Variants in GOT1 observed in about 807,000 individuals in gnomAD.
GOT1 encodes the protein aspartate aminotransferase, cytoplasmic.
Under a neutral mutation model 48.2 loss-of-function variants are expected in GOT1, and 25 were observed. That is an observed-to-expected ratio of 0.52 (90% CI 0.38 to 0.72). GOT1 has a LOEUF of 0.72. GOT1 is among the 30% of genes least tolerant of loss of function. The pLI, the probability that GOT1 is intolerant of heterozygous loss-of-function variation, is 0.00. For synonymous variants in GOT1, 188 were observed against 193.8 expected (o/e 0.97, Z 0.25); for missense variants, 380 against 520.1 (o/e 0.73, Z 2.62).
At chr10:99,402,054 C>A (rs1041316305) in intron 8 of GOT1, among the ~76,000 whole-genome samples, 1 of 152,076 alleles carries the variant, frequency 6.6e-6, no homozygotes, top group African/African-American at 2.4e-5. Flanking sequence ...GTGATCTGCC[C>A]ACCTCAGCCT....
Position 99,406,750 on chromosome 10 carries a change from C to G in GOT1, c.400G>C (p.Val134Leu). 1.2e-6 allele frequency: 2 copies of G among 1,613,830 alleles called. No individual in the cohort carries two copies. Among genetic ancestry groups the G allele is most frequent in the Non-Finnish European group, 1.7e-6 (2 of 1,179,768 alleles). Residue 134 changes from valine to leucine, a missense_variant, in exon 3 of 9, where the codon GTC (valine) becomes CTC (leucine). By Grantham distance (32) the Val-to-Leu change is conservative (BLOSUM62 1). Coordinates refer to ENST00000370508, the MANE Select transcript of GOT1 (RefSeq NM_002079.3). ...YNGTNNKNTPVYVSSPTWENH... is the reference protein window; with the variant it reads ...YNGTNNKNTPLYVSSPTWENH... The stretch of plus-strand genomic sequence containing the variant: ...CCCCAGGTTGGTGAGGACACATAGA[C>G]AGGTGTGTTCTTGTTGTTTGTTCCA...
chr10:99,405,711 A>G (rs769302888), intron 5 of GOT1, 45 bp downstream of exon 5: 3 of 916,212 alleles, frequency 3.3e-6, no homozygotes, highest in Non-Finnish European at 5.5e-6. Context: ...ACATTAAATA[A>G]GAATATATAC....
rs964915453 is a variant in GOT1 at position 99,424,174 on chromosome 10, G to T, written c.119-3369C>A. ...CAAAATATTCTTGAAACTTCTTTTGGAATTGTTTCTAGAGGCAACATCTCA... is the reference window on the plus strand; with the variant it reads ...CAAAATATTCTTGAAACTTCTTTTGTAATTGTTTCTAGAGGCAACATCTCA... On this transcript the variant is annotated intron_variant, in intron 1 of 8. Transcript: ENST00000370508. Among the ~76,000 whole-genome samples, 8 of 152,086 alleles carry T rather than the reference G, an allele frequency of 5.3e-5. No individual in the cohort carries two copies. The South Asian group carries it at 6.2e-4, about 12-fold the overall frequency.
intron 1 of GOT1, among the ~76,000 whole-genome samples, chr10:99,423,515 A>T (rs2032997845): frequency 6.6e-6 from 1 of 152,238 alleles, no homozygotes; most frequent in South Asian, 2.1e-4. Flanking sequence ...GAAACATTTC[A>T]AGTTAGTAAT....
chr10:99,422,675 A>C (rs533021719), intron 1 of GOT1, among the ~76,000 whole-genome samples: 9 of 152,216 alleles, frequency 5.9e-5, no homozygotes, highest in African/African-American at 2.2e-4. Context: ...AGTTTCTTAC[A>C]TATCCTTCCT....
intron 8 of GOT1, among the ~76,000 whole-genome samples, chr10:99,401,469 C>T (rs938869034): frequency 1.3e-5 from 2 of 152,158 alleles, no homozygotes; most frequent in Admixed American, 6.5e-5. Flanking sequence ...GCCACACATC[C>T]CTCCCTAGAG....
At chr10:99,407,723 C>T (rs976162981) in intron 2 of GOT1, among the ~76,000 whole-genome samples, 2 of 152,064 alleles carry the variant, frequency 1.3e-5, no homozygotes, top group African/African-American at 2.4e-5. Flanking sequence ...TGAGCCACTG[C>T]GCCTGGCTGG....
chr10:99,404,978 A>G (rs2032734122), intron 5 of GOT1, among the ~76,000 whole-genome samples: 1 of 151,734 alleles, frequency 6.6e-6, no homozygotes. Context: ...CCTGCCACCA[A>G]CCCGCCAACT....
intron 8 of GOT1, among the ~76,000 whole-genome samples, chr10:99,402,247 T>C (rs554766350): frequency 2.8e-4 from 42 of 152,334 alleles, no homozygotes; most frequent in African/African-American, 9.1e-4. Context: ...AAACCCAAAA[T>C]GTACCTGAGC....
chr10:99,429,981 A>G (rs916883409), intron 1 of GOT1, among the ~76,000 whole-genome samples: 1 of 152,304 alleles, frequency 6.6e-6, no homozygotes, highest in African/African-American at 2.4e-5. Flanking sequence ...ACAAAGCTTA[A>G]TAAGGTGGCT....
chr10:99,414,049 C>G (rs557757015), intron 2 of GOT1, among the ~76,000 whole-genome samples: 1 of 152,298 alleles, frequency 6.6e-6, no homozygotes, highest in South Asian at 2.1e-4. Flanking sequence ...GCAAAATAAG[C>G]AGCTAACATC....
rs10883343 is a variant in GOT1, at chr10:99,424,547, C to T, written c.119-3742G>A. On this transcript the variant is annotated intron_variant, in intron 1 of 8. Transcript: ENST00000370508. ...ATATCTATTCTATAACATTATTAGGCTATGTGTTTATATTTATGATAATAT... is the reference window on the plus strand; with the variant it reads ...ATATCTATTCTATAACATTATTAGGTTATGTGTTTATATTTATGATAATAT... 4.5e-3 allele frequency among the ~76,000 whole-genome samples: 687 copies of T among 152,146 alleles called. 9 individuals carry two copies. Among genetic ancestry groups the T allele is most frequent in the African/African-American group, 0.016 (650 of 41,510 alleles).
At chr10:99,430,215 GC>G (rs2033098581) in intron 1 of GOT1, 1 of 1,211,676 alleles carries the variant, frequency 8.3e-7, no homozygotes, top group Non-Finnish European at 1.2e-6. Context: ...TGTCTTGGCT[GC>G]TACACCTGGT....
rs367760864 is a variant in GOT1 at position 99,406,824 on chromosome 10, C to G, written c.326G>C (p.Gly109Ala). 1 of 1,613,302 alleles carries G rather than the reference C, an allele frequency of 6.2e-7. No individual in the cohort carries two copies. Residue 109 changes from glycine (G) to alanine (A), a missense_variant, in exon 3 of 9, where the codon GGA becomes GCA. Gly to Ala is a moderately conservative substitution (Grantham distance 60). Transcript: ENST00000370508. Reference sequence around the variant, plus strand: ...AGCTCCAATTCGAAGTGCACCTGTTCCCCCCAAAGATTGCACACCTCCTAC... The same window carrying G: ...AGCTCCAATTCGAAGTGCACCTGTTGCCCCCAAAGATTGCACACCTCCTAC... Reference protein sequence around the residue: ...KRVGGVQSLGGTGALRIGADF... With the variant: ...KRVGGVQSLGATGALRIGADF...
intron 2 of GOT1, among the ~76,000 whole-genome samples, chr10:99,417,642 C>T (rs1473267184): frequency 6.6e-6 from 1 of 152,140 alleles, no homozygotes; most frequent in Non-Finnish European, 1.5e-5. Context: ...ATGTTTATTG[C>T]AGCACTATTC....
chr10:99,397,412 A>T lies in GOT1; in HGVS notation c.*135T>A. On this transcript the variant is annotated 3_prime_UTR_variant, in exon 9 of 9. Coordinates refer to ENST00000370508, the MANE Select transcript of GOT1 (RefSeq NM_002079.3). This position sits in a 1 kb window ranked among gnomAD's most constrained non-coding sequence, Gnocchi z 5.4. ...CTCTTCATGTGGGGCCGGTTTAAAC[A>T]GAGGCTGCCTCACCAGAGCAGCCTT... 1 of 913,798 alleles carries T rather than the reference A, an allele frequency of 1.1e-6. No homozygotes were observed. Among genetic ancestry groups the T allele is most frequent in the Non-Finnish European group, 1.7e-6 (1 of 573,070 alleles). The allele number at this position is 913,798 out of a possible 1,614,324, so 56.6% of individuals were successfully genotyped here.
intron 5 of GOT1, among the ~76,000 whole-genome samples, chr10:99,404,699 C>A (rs7917808): frequency 0.021 from 3,226 of 152,212 alleles, 126 homozygotes; most frequent in African/African-American, 0.073. Context: ...TAAGACCATG[C>A]ACATCCAATC....
chr10:99,409,587 A>G (rs1327040381), intron 2 of GOT1, among the ~76,000 whole-genome samples: 1 of 152,224 alleles, frequency 6.6e-6, no homozygotes, highest in Non-Finnish European at 1.5e-5. Flanking sequence ...GTAAACATTA[A>G]TGAACAATAT....
intron 1 of GOT1, among the ~76,000 whole-genome samples, chr10:99,429,956 C>T (rs186866696): frequency 1.3e-5 from 2 of 152,198 alleles, no homozygotes; most frequent in African/African-American, 4.8e-5. Context: ...CAAAATCAAG[C>T]CTCAGTCTCC....
Sources: gnomAD v4.1 joint callset for allele counts (sites outside exome capture counted in the v4.1 genomes callset) on GRCh38, gnomAD v4.1.1 for gene constraint, Gnocchi (gnomAD v3.1) non-coding constraint, MANE v1.5 for transcripts, NCBI Gene and HGNC (gene_info 2026-07-23, HGNC 2026-07-21) for gene names.